The following NCOR1 variants were observed in gnomAD, a reference collection of about 807,000 sequenced individuals.
The protein encoded by NCOR1 is protein phosphatase 1, regulatory subunit 109.
A neutral mutation model predicts 288.1 loss-of-function variants in NCOR1; 63 were observed. That is an observed-to-expected ratio of 0.22 (90% CI 0.18 to 0.27). The LOEUF (loss-of-function observed/expected upper bound fraction) is 0.27. Ranked by LOEUF, NCOR1 falls within the 10% of genes least tolerant of loss-of-function variation. The pLI, the probability that NCOR1 is intolerant of heterozygous loss-of-function variation, is 1.00. For missense variants in NCOR1, 2,397 were observed against 3,019.2 expected, an observed-to-expected ratio of 0.79 and a Z score of 4.83; for synonymous variants, 1,007 against 1,065.9, an observed-to-expected ratio of 0.94 and a Z score of 1.08.
At chr17:16,072,767 G>A (rs2061913066) in intron 28 of NCOR1, among the ~76,000 whole-genome samples, 1 of 152,168 alleles carries the variant, frequency 6.6e-6, no homozygotes, top group African/African-American at 2.4e-5. Context: ...GAAAAATACA[G>A]CTCTTAGAAA....
chr17:16,206,424 C>T (rs1243857359), intron 1 of NCOR1, among the ~76,000 whole-genome samples: 2 of 151,926 alleles, frequency 1.3e-5, no homozygotes, highest in Non-Finnish European at 2.9e-5. Context: ...CTCACTCTGT[C>T]GCCCAGGCTG....
intron 3 of NCOR1, among the ~76,000 whole-genome samples, chr17:16,184,901 T>C (rs1401569708): frequency 6.6e-6 from 1 of 151,720 alleles, no homozygotes; most frequent in Non-Finnish European, 1.5e-5. Context: ...AAATGAGATC[T>C]TGCCATCCAC....
intron 23 of NCOR1, among the ~76,000 whole-genome samples, chr17:16,081,776 G>C (rs1389548520): frequency 2.0e-5 from 3 of 152,190 alleles, no homozygotes; most frequent in Non-Finnish European, 4.4e-5. Flanking sequence ...TAAACAACAG[G>C]CTAACCAAAA....
Position 16,070,452 on chromosome 17 carries a change from C to T in NCOR1, c.4226G>A (p.Gly1409Glu). ...CATTCCACGGGATAGTTTGCTAGGC[C>T]CCGTGATTAAGGATTTGACATTGTG... is the stretch of plus-strand genomic sequence containing the variant. ...IKHNVKSLIT[G>E]PSKLSRGMPP... The change falls in exon 31 of 46, where the codon GGG (glycine) becomes GAG (glutamate). Residue 1409 changes from glycine (G) to glutamate (E), a missense_variant. Physicochemically the swap from Gly to Glu is moderately conservative, Grantham distance 98. Around this residue, in one of 11 missense-constraint regions of NCOR1, gnomAD observed 1,872 missense variants for 2,187.8 expected, o/e 0.86. Coordinates refer to ENST00000268712, the MANE Select transcript of NCOR1 (RefSeq NM_006311.4). 5 of 1,614,136 alleles carry T rather than the reference C, an allele frequency of 3.1e-6. No individual in the cohort carries two copies. The highest frequency in any genetic ancestry group is 4.2e-6 in the Non-Finnish European group (5 of 1,180,034).
intron 3 of NCOR1, among the ~76,000 whole-genome samples, chr17:16,176,320 GTACAGTGGTGCGATCTCGCCTCA>G (rs1836976900): frequency 6.6e-6 from 1 of 152,158 alleles, no homozygotes; most frequent in Non-Finnish European, 1.5e-5. Context: ...CCAGGCTAGA[GTACAGTGGTGCGATCTCGCCTCA>G]CTGCCACCTC....
intron 14 of NCOR1, among the ~76,000 whole-genome samples, chr17:16,127,121 ATC>A (rs1423404584): frequency 3.0e-5 from 4 of 132,042 alleles, no homozygotes; most frequent in South Asian, 2.4e-4. Context: ...ATATGTATAT[ATC>A]TGTATGTATA....
intron 5 of NCOR1, among the ~76,000 whole-genome samples, chr17:16,160,077 C>A (rs935880642): frequency 6.6e-6 from 1 of 152,100 alleles, no homozygotes; most frequent in African/African-American, 2.4e-5. Flanking sequence ...GGTGATCCAC[C>A]TGCCTTGGCC....
rs2060556020 is a variant in NCOR1 at position 16,061,643 on chromosome 17, C to A, written c.5639G>T (p.Cys1880Phe). 6.2e-7 allele frequency: 1 copy of A among 1,614,136 alleles called. No homozygotes were observed. The highest frequency in any genetic ancestry group is 1.1e-5 in the South Asian group (1 of 91,094). Residue 1880 changes from cysteine to phenylalanine, a missense_variant, in exon 37 of 46, where the codon TGT becomes TTT. Around this residue, in one of 11 missense-constraint regions of NCOR1, gnomAD observed 1,872 missense variants for 2,187.8 expected, o/e 0.86. Coordinates refer to ENST00000268712, the MANE Select transcript of NCOR1 (RefSeq NM_006311.4). Reference protein sequence around the residue: ...TLEVEKRSVQCLYTSSAFPSG... With the variant: ...TLEVEKRSVQFLYTSSAFPSG... Reference sequence around the variant, plus strand: ...TGGAAAGGCTGAAGAAGTGTATAAACACTGAACAGATCTCTTCTCCACCTC... The same window carrying A: ...TGGAAAGGCTGAAGAAGTGTATAAAAACTGAACAGATCTCTTCTCCACCTC...
chr17:16,187,201 T>G (rs1397848138), intron 2 of NCOR1, among the ~76,000 whole-genome samples: 2 of 135,586 alleles, frequency 1.5e-5, no homozygotes, highest in Non-Finnish European at 3.1e-5. Flanking sequence ...TTGGTTGTTG[T>G]TTTTTTTTTT....
chr17:16,160,817 C>T lies in NCOR1; in HGVS notation c.619-1944G>A, dbSNP rs184404564. Among the ~76,000 whole-genome samples the T allele has an allele frequency of 2.2e-4, 34 of 152,026 alleles. No homozygotes were observed. In the East Asian group the frequency reaches 6.4e-3, roughly 29 times the overall value. Reference sequence around the variant, plus strand: ...AAAAAAACTAAATAAATAAGAGTGACAGTCAAAGCTCCCAGTACTGTAAAT... The same window carrying T: ...AAAAAAACTAAATAAATAAGAGTGATAGTCAAAGCTCCCAGTACTGTAAAT... On this transcript the variant is annotated intron_variant, in intron 5 of 45. Transcript: ENST00000268712.
In NCOR1 at chr17:16,068,028, G is replaced by A. The variant is rs2061328315; in HGVS notation, c.4607C>T (p.Pro1536Leu). 1 of 1,614,200 alleles carries A rather than the reference G, an allele frequency of 6.2e-7. No homozygotes were observed. The highest frequency in any genetic ancestry group is 8.5e-7 in the Non-Finnish European group (1 of 1,180,034). The change falls in exon 32 of 46, where the codon CCT becomes CTT. Residue 1536 changes from proline (P) to leucine (L), a missense_variant. Coordinates refer to ENST00000268712, the MANE Select transcript of NCOR1 (RefSeq NM_006311.4). ...RESIPAKSPV[P>L]GVDPVVSHSP... Reference sequence around the variant, plus strand: ...GTGGCTCACGACAGGGTCCACCCCAGGCACTGGAGACTTCGCTGGGATACT... The same window carrying A: ...GTGGCTCACGACAGGGTCCACCCCAAGCACTGGAGACTTCGCTGGGATACT...
chr17:16,175,217 T>C (rs948711639), intron 3 of NCOR1, among the ~76,000 whole-genome samples: 7 of 151,808 alleles, frequency 4.6e-5, no homozygotes, highest in African/African-American at 7.3e-5. Flanking sequence ...AAAATACAAA[T>C]GTTAGGCGGG....
chr17:16,211,015 GCCA>G (rs1345849285), intron 1 of NCOR1, among the ~76,000 whole-genome samples: 1 of 152,072 alleles, frequency 6.6e-6, no homozygotes, highest in African/African-American at 2.4e-5. Flanking sequence ...ACAGGTGTGA[GCCA>G]CCGCGCCTGG....
At chr17:16,118,999 G>C (rs889596405) in intron 17 of NCOR1, among the ~76,000 whole-genome samples, 4 of 152,118 alleles carry the variant, frequency 2.6e-5, no homozygotes, top group African/African-American at 9.7e-5. Context: ...ATAATTACAT[G>C]ACTTACCAAA....
intron 41 of NCOR1, among the ~76,000 whole-genome samples, chr17:16,047,734 A>G (rs2058830918): frequency 6.6e-6 from 1 of 152,228 alleles, no homozygotes; most frequent in Admixed American, 6.5e-5. Context: ...CAGGCCACCA[A>G]GGATCTAGCT....
At chr17:16,155,366 AAAAT>A (rs2079566561) in intron 6 of NCOR1, among the ~76,000 whole-genome samples, 1 of 136,866 alleles carries the variant, frequency 7.3e-6, no homozygotes, top group Non-Finnish European at 1.5e-5. Flanking sequence ...AAAAAAAAAA[AAAAT>A]ACACACACAC....
intron 1 of NCOR1, among the ~76,000 whole-genome samples, chr17:16,205,811 C>A (rs2091432625): frequency 6.6e-6 from 1 of 150,954 alleles, no homozygotes; most frequent in Non-Finnish European, 1.5e-5. Flanking sequence ...GTGGTGCATG[C>A]CTGTAATCCC....
chr17:16,120,855 C>T lies in NCOR1; in HGVS notation c.1852+197G>A, dbSNP rs543472334. Reference sequence around the variant, plus strand: ...ACTAGCATAACAACTAAATAAAAAACAGCTATATTGGGGTGGCAAGACTGG... The same window carrying T: ...ACTAGCATAACAACTAAATAAAAAATAGCTATATTGGGGTGGCAAGACTGG... On this transcript the variant is annotated intron_variant, in intron 16 of 45. Transcript: ENST00000268712. Among the ~76,000 whole-genome samples the T allele has an allele frequency of 8.5e-5, 13 of 152,136 alleles. No individual in the cohort carries two copies. In the South Asian group the frequency reaches 2.7e-3, roughly 32 times the overall value.
intron 10 of NCOR1, 146 bp from the exon 11 acceptor site, chr17:16,143,842 T>A (rs922301485): frequency 1.8e-6 from 1 of 564,718 alleles, no homozygotes; most frequent in Non-Finnish European, 3.1e-6. Flanking sequence ...TATATACTTT[T>A]AAGTAATATG....
Sources: allele counts gnomAD v4.1 joint callset (sites outside exome capture counted in the v4.1 genomes callset), GRCh38; gene constraint gnomAD v4.1.1; regional missense constraint gnomAD v4.1.1; transcripts MANE v1.5; gene names NCBI Gene and HGNC (gene_info 2026-07-23, HGNC 2026-07-21).